The following SART1 variants were observed in gnomAD, a reference collection of about 807,000 sequenced individuals.
SART1 encodes the protein U4/U6.U5 tri-snRNP-associated protein 1.
Under a neutral mutation model 105.0 loss-of-function variants are expected in SART1, and 28 were observed. The observed-to-expected ratio is 0.27, with a 90% confidence interval of 0.20 to 0.37. The LOEUF is 0.37. SART1 is among the 10% of genes least tolerant of loss of function. The pLI is 1.00. For synonymous variants in SART1, 472 were observed against 462.9 expected, an observed-to-expected ratio of 1.02 and a Z score of -0.25; for missense variants, 894 against 1,106.5, an observed-to-expected ratio of 0.81 and a Z score of 2.72.
At position 65,967,588 on chromosome 11, in the gene SART1, T is replaced by G. The variant is rs111435679; in HGVS notation, c.1429+2T>G. On this transcript the variant is annotated splice_donor_variant, in intron 11 of 19. Coordinates refer to ENST00000312397, the MANE Select transcript of SART1 (RefSeq NM_005146.5). LOFTEE classifies it high-confidence loss of function. ...AGAACATGGACATCAGTGATGAGGG[T>G]GAGGGCCCGGCCAGGGGGTGGGAGG... is the stretch of plus-strand genomic sequence containing the variant. 1.2e-5 allele frequency: 19 copies of G among 1,611,132 alleles called. No homozygotes were observed. The African/African-American group carries it at 2.1e-4, about 18-fold the overall frequency.
At chr11:65,969,559 C>T (rs1031342129) in intron 12 of SART1, among the ~76,000 whole-genome samples, 1 of 152,194 alleles carries the variant, frequency 6.6e-6, no homozygotes, top group African/African-American at 2.4e-5. Context: ...AAGGGATCCT[C>T]CTGCCTCAGG....
At chr11:65,974,742 A>G (rs935657991) in intron 12 of SART1, among the ~76,000 whole-genome samples, 1 of 152,182 alleles carries the variant, frequency 6.6e-6, no homozygotes, top group Non-Finnish European at 1.5e-5. Flanking sequence ...TCATTAAAAA[A>G]TAAGTGTTCC....
Position 65,977,582 on chromosome 11 carries a change from G to T in SART1, c.1965G>T (p.Val655=), listed in dbSNP as rs138059558. The change falls in exon 16 of 20, where the codon GTG becomes GTT. Residue 655 remains valine, a synonymous_variant. Transcript: ENST00000312397. ...CQNKGLLETT[V]QKVARVKAPN... ...CCCTAGGGCTGCTGGAGACCACAGTGCAGAAGGTGGCCCGGGTGAAGGCCC... is the reference window on the plus strand; with the variant it reads ...CCCTAGGGCTGCTGGAGACCACAGTTCAGAAGGTGGCCCGGGTGAAGGCCC... 1 of 1,613,872 alleles carries T rather than the reference G, an allele frequency of 6.2e-7. No homozygotes were observed. The highest frequency in any genetic ancestry group is 1.3e-5 in the African/African-American group (1 of 74,880).
chr11:65,964,682 C>A, intron 3 of SART1, 112 bp downstream of exon 3: 2 of 1,087,078 alleles, frequency 1.8e-6, no homozygotes, highest in Non-Finnish European at 2.6e-6. Flanking sequence ...CTTACACATG[C>A]ATATTTGCCG....
chr11:65,966,685 G>C lies in SART1; in HGVS notation c.1188+129G>C, dbSNP rs1855266707. On this transcript the variant is annotated intron_variant, in intron 9 of 19. Coordinates refer to ENST00000312397, the MANE Select transcript of SART1 (RefSeq NM_005146.5). Reference sequence around the variant, plus strand: ...ACAAAGCGCTTGGCCTCGCGGGTGAGCACTAAATGGCAACCGGGGGAGGCA... The same window carrying C: ...ACAAAGCGCTTGGCCTCGCGGGTGACCACTAAATGGCAACCGGGGGAGGCA... The C allele has an allele frequency of 4.8e-6, 5 of 1,040,046 alleles. No homozygotes were observed. In the Admixed American group the frequency reaches 9.1e-5, roughly 19 times the overall value. The allele number at this position is 1,040,046 out of a possible 1,614,324, so 64.4% of individuals were successfully genotyped here.
At chr11:65,968,956 A>T (rs949694400) in intron 12 of SART1, among the ~76,000 whole-genome samples, 1 of 152,150 alleles carries the variant, frequency 6.6e-6, no homozygotes, top group African/African-American at 2.4e-5. Context: ...TCCAGAGGCC[A>T]CACTTTTAGC....
Position 65,967,571 on chromosome 11 carries a change from G to A in SART1, c.1414G>A (p.Asp472Asn). 1 of 1,612,612 alleles carries A rather than the reference G, an allele frequency of 6.2e-7. No homozygotes were observed. Among genetic ancestry groups the A allele is most frequent in the Non-Finnish European group, 8.5e-7 (1 of 1,179,972 alleles). ...PSDDTRVENM[D>N]ISDEEEGGAP... ...GGACGACACCCGAGTGGAGAACATG[G>A]ACATCAGTGATGAGGGTGAGGGCCC... The change falls in exon 11 of 20, where the codon GAC (aspartate) becomes AAC (asparagine). Residue 472 changes from aspartate (D) to asparagine (N), a missense_variant. By Grantham distance (23) the Asp-to-Asn change is conservative. Coordinates refer to ENST00000312397, the MANE Select transcript of SART1 (RefSeq NM_005146.5).
At chr11:65,967,168 A>C in intron 9 of SART1, 91 bp from the exon 10 acceptor site, 1 of 1,541,664 alleles carries the variant, frequency 6.5e-7, no homozygotes, top group Non-Finnish European at 8.8e-7. Context: ...GCTAGCACAG[A>C]GGAACACCAA....
intron 12 of SART1, among the ~76,000 whole-genome samples, chr11:65,970,619 C>G (rs1025037108): frequency 4.3e-5 from 5 of 116,184 alleles, no homozygotes; most frequent in Non-Finnish European, 9.7e-5. Context: ...GCCGATTGTT[C>G]TGGTGTTTTT....
chr11:65,964,008 G>A, intron 1 of SART1, 66 bp from the exon 2 acceptor site: 1 of 1,474,196 alleles, frequency 6.8e-7, no homozygotes, highest in Non-Finnish European at 9.3e-7. Flanking sequence ...TCCTGCAGCT[G>A]GAGCCAACGA....
At position 65,978,606 on chromosome 11, in the gene SART1, C is replaced by T. The variant is rs1479208359; in HGVS notation, c.2179C>T (p.Arg727Trp). The T allele has an allele frequency of 1.3e-6, 2 of 1,561,524 alleles. No homozygotes were observed. Among genetic ancestry groups the T allele is most frequent in the Non-Finnish European group, 1.7e-6 (2 of 1,152,696 alleles). Residue 727 changes from arginine (R) to tryptophan (W), a missense_variant, in exon 18 of 20, where the codon CGG becomes TGG. This residue lies in a region of SART1 where 182 missense variants were observed against 328.3 expected (regional missense o/e 0.55). Transcript: ENST00000312397. The surrounding 1 kb of genome is among the most constrained non-coding windows in gnomAD (Gnocchi z 6.8). Reference sequence around the variant, plus strand: ...TCATGCCCCGCGTCCCCAGGCTTTCCGGCAGCTGTCGCACCGCTTCCATGG... The same window carrying T: ...TCATGCCCCGCGTCCCCAGGCTTTCTGGCAGCTGTCGCACCGCTTCCATGG... The part of the protein sequence containing the change: ...GRKLTPKEAF[R>W]QLSHRFHGKG...
At chr11:65,977,987 C>T in intron 17 of SART1, 88 bp downstream of exon 17, 1 of 1,426,548 alleles carries the variant, frequency 7.0e-7, no homozygotes, top group Admixed American at 2.1e-5. Flanking sequence ...CATGCAATGC[C>T]CCAGGGTCCT....
Position 65,978,873 on chromosome 11 carries a change from C to T in SART1, c.2343C>T (p.Thr781=), listed in dbSNP as rs764875856. ...AGGAGAAGCAGAAGGCTCAGAAGAC[C>T]CCCTACATCGTGCTCAGCGGCAGCG... ...LLQEKQKAQK[T]PYIVLSGSGK... Residue 781 remains threonine (T), a synonymous_variant, in exon 19 of 20, where the codon ACC becomes ACT. Coordinates refer to ENST00000312397, the MANE Select transcript of SART1 (RefSeq NM_005146.5). The surrounding 1 kb of genome is among the most constrained non-coding windows in gnomAD (Gnocchi z 6.8). 3.1e-6 allele frequency: 5 copies of T among 1,614,044 alleles called. No individual in the cohort carries two copies. Among genetic ancestry groups the T allele is most frequent in the Non-Finnish European group, 2.5e-6 (3 of 1,179,972 alleles).
Position 65,978,617 on chromosome 11 carries a change from G to T in SART1, c.2190G>T (p.Ser730=), listed in dbSNP as rs148394152. 5.7e-6 allele frequency: 9 copies of T among 1,568,774 alleles called. No homozygotes were observed. In the Middle Eastern group the frequency reaches 8.8e-4, roughly 153 times the overall value. Reference sequence around the variant, plus strand: ...GTCCCCAGGCTTTCCGGCAGCTGTCGCACCGCTTCCATGGCAAGGGCTCAG... The same window carrying T: ...GTCCCCAGGCTTTCCGGCAGCTGTCTCACCGCTTCCATGGCAAGGGCTCAG... ...LTPKEAFRQL[S]HRFHGKGSGK... is the part of the protein sequence containing the mutation. Residue 730 remains serine (S), a synonymous_variant, in exon 18 of 20, where the codon TCG becomes TCT. Transcript: ENST00000312397. This position sits in a 1 kb window ranked among gnomAD's most constrained non-coding sequence, Gnocchi z 6.8.
In SART1 at chr11:65,977,910, C is replaced by A; in HGVS notation, c.2172+11C>A. The A allele has an allele frequency of 1.3e-5, 21 of 1,599,448 alleles. No individual in the cohort carries two copies. Among genetic ancestry groups the A allele is most frequent in the Non-Finnish European group, 1.8e-5 (21 of 1,174,498 alleles). On this transcript the variant is annotated intron_variant, in intron 17 of 19. Coordinates refer to ENST00000312397, the MANE Select transcript of SART1 (RefSeq NM_005146.5). The stretch of plus-strand genomic sequence containing the variant: ...CTCACACCCAAGGAGGTGAGCAGGG[C>A]CTTTTGCAGGCGGAGGCCCGGCCTG...
chr11:65,976,276 T>C lies in SART1; in HGVS notation c.1573-119T>C. Reference sequence around the variant, plus strand: ...TTAGGCGGCAGATAGCAGCTGGGCCTGCATGGGCTGTGGGCGTGGCCTGTC... The same window carrying C: ...TTAGGCGGCAGATAGCAGCTGGGCCCGCATGGGCTGTGGGCGTGGCCTGTC... On this transcript the variant is annotated intron_variant, in intron 12 of 19. Transcript: ENST00000312397. This position sits in a 1 kb window ranked among gnomAD's most constrained non-coding sequence, Gnocchi z 5.1. 1 of 1,031,522 alleles carries C rather than the reference T, an allele frequency of 9.7e-7. No homozygotes were observed. The highest frequency in any genetic ancestry group is 1.4e-6 in the Non-Finnish European group (1 of 732,976). 63.9% of individuals were successfully genotyped at this position (1,031,522 alleles called of 1,614,324 possible). A position where few individuals can be genotyped will look rare whatever the true frequency, so the allele number is the denominator to read the frequency against.
intron 12 of SART1, among the ~76,000 whole-genome samples, chr11:65,970,798 G>C (rs76705937): frequency 9.2e-6 from 1 of 108,142 alleles, no homozygotes; most frequent in Non-Finnish European, 2.0e-5. Flanking sequence ...TGCTGAGGGA[G>C]GGGGATGGTG....
At chr11:65,963,980 AG>A (rs1565311990) in intron 1 of SART1, 93 bp from the exon 2 acceptor site, 1 of 1,038,828 alleles carries the variant, frequency 9.6e-7, no homozygotes, top group South Asian at 1.4e-5. Context: ...GGTGCTGGTG[AG>A]GGGCCCTCAT....
chr11:65,971,550 G>A (rs1421970160), intron 12 of SART1, among the ~76,000 whole-genome samples: 1 of 12,286 alleles, frequency 8.1e-5, no homozygotes, highest in African/African-American at 3.2e-4. Context: ...CATGAGCTGA[G>A]GAGGGGGATG....
Sources: allele counts gnomAD v4.1 joint callset (sites outside exome capture counted in the v4.1 genomes callset), GRCh38; gene constraint gnomAD v4.1.1; regional missense constraint gnomAD v4.1.1; non-coding constraint Gnocchi (gnomAD v3.1); transcripts MANE v1.5; gene names NCBI Gene and HGNC (gene_info 2026-07-23, HGNC 2026-07-21).